CBFA2T3: variants seen among roughly 807,000 people sequenced by gnomAD.
CBFA2T3 encodes the protein CBFA2/RUNX1 partner transcriptional co-repressor 3.
In CBFA2T3, 31 loss-of-function variants were observed where a neutral mutation model predicts 58.6. The ratio of observed to expected loss-of-function variants is 0.53; its 90% CI spans 0.40 to 0.71. The LOEUF (loss-of-function observed/expected upper bound fraction) is 0.71, where lower values mean the gene tolerates loss of function less well. CBFA2T3 is among the 30% of genes least tolerant of loss of function. The pLI, the probability that CBFA2T3 is intolerant of heterozygous loss-of-function variation, is 0.00. For synonymous variants in CBFA2T3, 531 were observed against 421.9 expected, an observed-to-expected ratio of 1.26 and a Z score of -3.17; for missense variants, 1,076 against 963.1, an observed-to-expected ratio of 1.12 and a Z score of -1.55.
At chr16:88,928,012 C>G (rs895224927) in intron 1 of CBFA2T3, among the ~76,000 whole-genome samples, 1 of 152,200 alleles carries the variant, frequency 6.6e-6, no homozygotes, top group African/African-American at 2.4e-5. Context: ...GCAGCGGCTC[C>G]CGGCACCCAC....
chr16:88,886,383 G>A (rs1969376982), intron 5 of CBFA2T3: 1 of 389,074 alleles, frequency 2.6e-6, no homozygotes, highest in Non-Finnish European at 4.6e-6. Flanking sequence ...CGGCGATGTG[G>A]GGCATGTGGG....
At chr16:88,895,219 T>G (rs968599195) in intron 3 of CBFA2T3, among the ~76,000 whole-genome samples, 4 of 152,098 alleles carry the variant, frequency 2.6e-5, no homozygotes, top group African/African-American at 9.7e-5. Context: ...AGCCCGTACC[T>G]CCAACAAGGC....
chr16:88,976,386 G>T (rs1258550668), intron 1 of CBFA2T3, among the ~76,000 whole-genome samples: 1 of 152,114 alleles, frequency 6.6e-6, no homozygotes, highest in Admixed American at 6.5e-5. Flanking sequence ...CCTAGACGGG[G>T]CTGAGCAGCC....
chr16:88,918,821 G>A (rs952857716), intron 1 of CBFA2T3, among the ~76,000 whole-genome samples: 2 of 152,258 alleles, frequency 1.3e-5, no homozygotes, highest in African/African-American at 4.8e-5. Context: ...GGCCTCCAGG[G>A]TTGGTGCTGA....
At chr16:88,947,147 A>G (rs887014406) in intron 1 of CBFA2T3, among the ~76,000 whole-genome samples, 5 of 152,374 alleles carry the variant, frequency 3.3e-5, no homozygotes, top group African/African-American at 9.6e-5. Context: ...GTATCACACC[A>G]GTGCCAGGTG....
intron 1 of CBFA2T3, among the ~76,000 whole-genome samples, chr16:88,975,264 A>ACC (rs1567644194): frequency 1.2e-5 from 1 of 82,216 alleles, no homozygotes; most frequent in Non-Finnish European, 3.0e-5. Context: ...CCTCTGTTTC[A>ACC]TGCCTCTAGC....
chr16:88,935,744 C>A (rs781243945), intron 1 of CBFA2T3, among the ~76,000 whole-genome samples: 1 of 152,220 alleles, frequency 6.6e-6, no homozygotes, highest in Non-Finnish European at 1.5e-5. Context: ...CATGCCGCAT[C>A]CACCACTGAG....
intron 1 of CBFA2T3, among the ~76,000 whole-genome samples, chr16:88,905,269 A>T (rs373397847): frequency 3.3e-5 from 5 of 152,118 alleles, no homozygotes; most frequent in South Asian, 4.2e-4. Flanking sequence ...TCACCAGCCC[A>T]CACCCACTCC....
intron 11 of CBFA2T3, 94 bp from the exon 12 acceptor site, chr16:88,877,369 A>G: frequency 9.9e-7 from 1 of 1,006,344 alleles, no homozygotes; most frequent in East Asian, 2.7e-5. Context: ...CAGCCACGTC[A>G]TCACCAGGTG....
chr16:88,947,213 G>A (rs73256233), intron 1 of CBFA2T3, among the ~76,000 whole-genome samples: 6,236 of 152,346 alleles, frequency 0.041, 442 homozygotes, highest in African/African-American at 0.14. Context: ...AGAACTCGGC[G>A]CTTTCCGCCC....
chr16:88,922,979 C>T (rs974013972), intron 1 of CBFA2T3, among the ~76,000 whole-genome samples: 10 of 151,724 alleles, frequency 6.6e-5, no homozygotes, highest in Admixed American at 2.0e-4. Flanking sequence ...GCACAGCGGA[C>T]GGACAGAGCT....
intron 3 of CBFA2T3, among the ~76,000 whole-genome samples, chr16:88,895,799 C>T (rs2968472): frequency 0.22 from 34,197 of 152,058 alleles, 4,243 homozygotes; most frequent in East Asian, 0.45. Context: ...CACGGCCCTG[C>T]CCTCGAGGGC....
Position 88,952,870 on chromosome 16 carries a change from C to T in CBFA2T3, c.151+23787G>A, listed in dbSNP as rs572289666. ...TCAAGGCTTCCTTCCCCCCCACCCC[C>T]ACACCCTGGGGACAGCATGTCCAGG... On this transcript the variant is annotated intron_variant, in intron 1 of 11. Transcript: ENST00000268679. Among the ~76,000 whole-genome samples the T allele has an allele frequency of 2.6e-4, 39 of 151,916 alleles. 3 individuals carry two copies. Among genetic ancestry groups the T allele is most frequent in the African/African-American group, 8.0e-4 (33 of 41,384 alleles).
intron 9 of CBFA2T3, 149 bp downstream of exon 9, chr16:88,881,140 CGT>C (rs772759131): frequency 5.8e-5 from 46 of 788,648 alleles, no homozygotes; most frequent in Admixed American, 9.9e-5. Context: ...CAGACCAGCC[CGT>C]GTTTTCCTAC....
intron 1 of CBFA2T3, among the ~76,000 whole-genome samples, chr16:88,915,704 CG>C (rs1169480409): frequency 9.6e-5 from 3 of 31,362 alleles, no homozygotes; most frequent in South Asian, 2.1e-3. Flanking sequence ...GGAGCGTGGA[CG>C]GGGGGAGCGT....
intron 1 of CBFA2T3, among the ~76,000 whole-genome samples, chr16:88,906,315 C>T: frequency 6.6e-6 from 1 of 152,118 alleles, no homozygotes; most frequent in Non-Finnish European, 1.5e-5. Context: ...CATTTCTACT[C>T]CGCAGACCCA....
intron 1 of CBFA2T3, among the ~76,000 whole-genome samples, chr16:88,936,348 T>G (rs1971499743): frequency 1.3e-5 from 2 of 152,064 alleles, no homozygotes; most frequent in African/African-American, 4.8e-5. Context: ...GTGCCTGGAC[T>G]TCCTCCCCAA....
chr16:88,898,225 C>T (rs961876839), intron 2 of CBFA2T3, 73 bp from the exon 3 acceptor site: 27 of 1,157,476 alleles, frequency 2.3e-5, no homozygotes, highest in Middle Eastern at 2.5e-4. Flanking sequence ...GGGGCGCCCG[C>T]GGCCACCTTT....
At chr16:88,951,809 T>G (rs1406984172) in intron 1 of CBFA2T3, among the ~76,000 whole-genome samples, 1 of 152,142 alleles carries the variant, frequency 6.6e-6, no homozygotes, top group Non-Finnish European at 1.5e-5. Flanking sequence ...AAGCCCAGAG[T>G]GGCCTGGACA....
Sources: gnomAD v4.1 joint callset for allele counts (sites outside exome capture counted in the v4.1 genomes callset) on GRCh38, gnomAD v4.1.1 for gene constraint, MANE v1.5 for transcripts, NCBI Gene and HGNC (gene_info 2026-07-23, HGNC 2026-07-21) for gene names.